Variants in GALNTL6 observed in about 807,000 individuals in gnomAD.
GALNTL6 encodes polypeptide N-acetylgalactosaminyltransferase-like 6.
Under a neutral mutation model 73.7 loss-of-function variants are expected in GALNTL6, and 46 were observed. The ratio of observed to expected loss-of-function variants is 0.62; its 90% confidence interval spans 0.49 to 0.80. The LOEUF is 0.80. GALNTL6 is among the 30% of genes least tolerant of loss of function. The probability of loss-of-function intolerance (pLI) is 0.00; values close to 1 mark genes in which losing one functional copy is unlikely to be tolerated. For synonymous variants in GALNTL6, 259 were observed against 263.7 expected, an observed-to-expected ratio of 0.98 and a Z score of 0.17; for missense variants, 604 against 755.0, an observed-to-expected ratio of 0.80 and a Z score of 2.34.
chr4:171,975,572 T>C (rs1579022789), intron 2 of GALNTL6, among the ~76,000 whole-genome samples: 2 of 145,886 alleles, frequency 1.4e-5, no homozygotes, highest in South Asian at 4.2e-4. Context: ...GAATTGGAAC[T>C]TAAAAGACAT....
chr4:172,207,025 GC>G (rs1736157897), intron 2 of GALNTL6, among the ~76,000 whole-genome samples: 2 of 151,168 alleles, frequency 1.3e-5, no homozygotes, highest in South Asian at 4.2e-4. Flanking sequence ...CACCATGTTA[GC>G]CAGGATGATC....
chr4:172,372,798 G>A (rs1032015584), intron 5 of GALNTL6, among the ~76,000 whole-genome samples: 16 of 152,082 alleles, frequency 1.1e-4, no homozygotes, highest in African/African-American at 2.4e-4. Context: ...TGGCTATCTC[G>A]CTGTATCCGG....
intron 10 of GALNTL6, among the ~76,000 whole-genome samples, chr4:172,998,386 A>C (rs1387614097): frequency 2.0e-5 from 3 of 152,214 alleles, no homozygotes; most frequent in Admixed American, 6.5e-5. Context: ...TTTTTATCAG[A>C]GTCTCAAATG....
intron 10 of GALNTL6, among the ~76,000 whole-genome samples, chr4:172,977,531 G>C (rs549310881): frequency 1.3e-4 from 20 of 152,300 alleles, no homozygotes; most frequent in African/African-American, 4.6e-4. Context: ...GAGACACACA[G>C]CAAAGAAGAT....
At chr4:172,118,698 T>A (rs777712224) in intron 2 of GALNTL6, among the ~76,000 whole-genome samples, 7 of 142,108 alleles carry the variant, frequency 4.9e-5, no homozygotes, top group Non-Finnish European at 9.1e-5. Flanking sequence ...AGACTCTGTC[T>A]CAAAACAAAA....
At chr4:172,566,811 A>G (rs1423227830) in intron 5 of GALNTL6, among the ~76,000 whole-genome samples, 4 of 152,058 alleles carry the variant, frequency 2.6e-5, no homozygotes, top group South Asian at 2.1e-4. Context: ...TTCAAATAAA[A>G]TCGTAAATGA....
chr4:172,923,391 C>T (rs957849535), intron 8 of GALNTL6, among the ~76,000 whole-genome samples: 1 of 152,132 alleles, frequency 6.6e-6, no homozygotes, highest in Non-Finnish European at 1.5e-5. Flanking sequence ...AAAGACCCAC[C>T]CCCATGATTC....
At chr4:172,021,478 T>C (rs1741400062) in intron 2 of GALNTL6, among the ~76,000 whole-genome samples, 1 of 152,008 alleles carries the variant, frequency 6.6e-6, no homozygotes, top group Admixed American at 6.6e-5. Flanking sequence ...CCATGTCCAT[T>C]GTTTGGAAGA....
chr4:172,425,378 A>C (rs1731190599), intron 5 of GALNTL6: 1 of 152,142 alleles, frequency 6.6e-6, no homozygotes, highest in Admixed American at 6.6e-5. Context: ...CAGAGAAGGC[A>C]TGTGCATATG....
chr4:172,999,902 A>C (rs1751969443), intron 10 of GALNTL6, among the ~76,000 whole-genome samples: 1 of 152,128 alleles, frequency 6.6e-6, no homozygotes, highest in Non-Finnish European at 1.5e-5. Context: ...CATAATCACC[A>C]GAATTTACTG....
chr4:172,340,648 C>T (rs1741527387), intron 4 of GALNTL6, among the ~76,000 whole-genome samples: 1 of 152,146 alleles, frequency 6.6e-6, no homozygotes, highest in Non-Finnish European at 1.5e-5. Flanking sequence ...TATGTGAAAA[C>T]AGTTTGATAC....
At chr4:172,101,615 C>CT (rs1384019732) in intron 2 of GALNTL6, among the ~76,000 whole-genome samples, 9 of 151,928 alleles carry the variant, frequency 5.9e-5, no homozygotes, top group Non-Finnish European at 8.8e-5. Flanking sequence ...TAATTTGCCT[C>CT]TTTTTTTGTA....
chr4:171,885,761 C>T (rs895340470), intron 2 of GALNTL6, among the ~76,000 whole-genome samples: 4 of 152,094 alleles, frequency 2.6e-5, no homozygotes, highest in African/African-American at 7.2e-5. Flanking sequence ...GGCATGATTG[C>T]ACCACTACAC....
At chr4:171,999,361 A>G (rs906557039) in intron 2 of GALNTL6, among the ~76,000 whole-genome samples, 2 of 152,224 alleles carry the variant, frequency 1.3e-5, no homozygotes, top group Non-Finnish European at 2.9e-5. Context: ...TTTCATAGAA[A>G]TAATGGCAAA....
intron 7 of GALNTL6, among the ~76,000 whole-genome samples, chr4:172,847,165 C>CTTTA (rs1743557509): frequency 6.6e-6 from 1 of 152,178 alleles, no homozygotes. Flanking sequence ...ATGAACCAAC[C>CTTTA]TTTATTTCAG....
At chr4:172,773,905 A>G (rs1738918136) in intron 5 of GALNTL6, among the ~76,000 whole-genome samples, 1 of 152,156 alleles carries the variant, frequency 6.6e-6, no homozygotes, top group East Asian at 1.9e-4. Flanking sequence ...CAAGTTTTGG[A>G]TAAGAATTGA....
At chr4:172,824,280 G>C (rs1560976695) in intron 7 of GALNTL6, among the ~76,000 whole-genome samples, 1 of 151,984 alleles carries the variant, frequency 6.6e-6, no homozygotes, top group Admixed American at 6.6e-5. Flanking sequence ...CTCTAGTCCT[G>C]AATTACTCTG....
chr4:172,934,539 A>G (rs989943216), intron 9 of GALNTL6, among the ~76,000 whole-genome samples: 3 of 152,228 alleles, frequency 2.0e-5, no homozygotes, highest in Admixed American at 6.5e-5. Context: ...CTAGGACACC[A>G]TAACTTACAC....
intron 5 of GALNTL6, among the ~76,000 whole-genome samples, chr4:172,706,975 T>C (rs1039581778): frequency 6.6e-6 from 1 of 152,168 alleles, no homozygotes; most frequent in South Asian, 2.1e-4. Context: ...GTACTTCCTA[T>C]GGGTTGGGGC....
Sources: allele counts gnomAD v4.1 joint callset (sites outside exome capture counted in the v4.1 genomes callset), GRCh38; gene constraint gnomAD v4.1.1; transcripts MANE v1.5; gene names NCBI Gene and HGNC (gene_info 2026-07-23, HGNC 2026-07-21).